The following LSAMP variants were observed in gnomAD, a reference collection of about 807,000 sequenced individuals.
The protein encoded by LSAMP is limbic system-associated membrane protein.
In LSAMP, 7 loss-of-function variants were observed where a neutral mutation model predicts 38.6. The ratio of observed to expected loss-of-function variants is 0.18; its 90% CI spans 0.10 to 0.34. The LOEUF is 0.34. Ranked by LOEUF, LSAMP falls within the 10% of genes least tolerant of loss-of-function variation. The probability of loss-of-function intolerance (pLI) is 1.00; values close to 1 mark genes in which losing one functional copy is unlikely to be tolerated. For missense variants in LSAMP, 313 were observed against 420.0 expected (o/e 0.75, Z 2.23); for synonymous variants, 154 against 166.8 (o/e 0.92, Z 0.59).
At chr3:116,111,353 C>T (rs17697994) in intron 1 of LSAMP, among the ~76,000 whole-genome samples, 24,939 of 152,130 alleles carry the variant, frequency 0.16, 2,130 homozygotes, top group Non-Finnish European at 0.19. Context: ...CTTTGATCGA[C>T]AGTAAGTTTT....
chr3:116,079,249 C>T (rs180970151), intron 2 of LSAMP, among the ~76,000 whole-genome samples: 61 of 152,338 alleles, frequency 4.0e-4, no homozygotes, highest in African/African-American at 1.3e-3. Flanking sequence ...TTGGGTGGGC[C>T]TGGCCCTTCG....
At chr3:116,203,631 T>G (rs2046022546) in intron 1 of LSAMP, among the ~76,000 whole-genome samples, 1 of 146,424 alleles carries the variant, frequency 6.8e-6, no homozygotes, top group Non-Finnish European at 1.5e-5. Context: ...TTCCCACCTA[T>G]GAGTGAGAAT....
At chr3:116,439,112 C>A (rs1411351994) in intron 1 of LSAMP, among the ~76,000 whole-genome samples, 1 of 152,126 alleles carries the variant, frequency 6.6e-6, no homozygotes, top group Non-Finnish European at 1.5e-5. Flanking sequence ...CTTCCCCAAA[C>A]AAACTACATC....
At chr3:116,274,839 C>T (rs2047025146) in intron 1 of LSAMP, among the ~76,000 whole-genome samples, 1 of 151,518 alleles carries the variant, frequency 6.6e-6, no homozygotes, top group Non-Finnish European at 1.5e-5. Flanking sequence ...TAGTCTTTTT[C>T]CCTCCTCACC....
At chr3:115,902,636 AAAT>A (rs1349282508) in intron 3 of LSAMP, among the ~76,000 whole-genome samples, 2 of 152,184 alleles carry the variant, frequency 1.3e-5, no homozygotes, top group Non-Finnish European at 1.5e-5. Context: ...GAACTTAAAA[AAAT>A]TTATAAGAAA....
intron 1 of LSAMP, among the ~76,000 whole-genome samples, chr3:116,115,360 A>G (rs949377523): frequency 6.6e-6 from 1 of 152,236 alleles, no homozygotes; most frequent in Non-Finnish European, 1.5e-5. Flanking sequence ...CCCATTTTTC[A>G]GAAAAGAAAA....
chr3:116,023,439 T>TAA (rs36091181), intron 2 of LSAMP, among the ~76,000 whole-genome samples: 30 of 133,876 alleles, frequency 2.2e-4, no homozygotes, highest in East Asian at 6.6e-4. Flanking sequence ...CTAAAAATAC[T>TAA]AAAAAAAAAA....
intron 1 of LSAMP, among the ~76,000 whole-genome samples, chr3:116,281,866 T>G (rs1028855283): frequency 3.9e-5 from 6 of 152,176 alleles, no homozygotes; most frequent in Non-Finnish European, 8.8e-5. Context: ...CCAACAAATG[T>G]TAGTTACACT....
intron 1 of LSAMP, among the ~76,000 whole-genome samples, chr3:116,325,109 T>C (rs2047753051): frequency 6.7e-6 from 1 of 149,492 alleles, no homozygotes; most frequent in Non-Finnish European, 1.5e-5. Flanking sequence ...TATATAATAA[T>C]ATATATAACA....
chr3:115,855,705 G>A lies in LSAMP; in HGVS notation c.515-3088C>T, dbSNP rs191693168. The stretch of plus-strand genomic sequence containing the variant: ...TTCTTTCCTTTGCCCCGGTGTGTCC[G>A]TCCTCATGAGAGCAAATTTTCTCCA... On this transcript the variant is annotated intron_variant, in intron 3 of 6. Transcript: ENST00000490035. 3.3e-4 allele frequency among the ~76,000 whole-genome samples: 50 copies of A among 152,198 alleles called. 1 individual carries two copies. The highest frequency in any genetic ancestry group is 1.1e-3 in the African/African-American group (45 of 41,526).
intron 1 of LSAMP, among the ~76,000 whole-genome samples, chr3:116,129,770 T>C (rs1314493816): frequency 6.6e-6 from 1 of 152,186 alleles, no homozygotes; most frequent in East Asian, 1.9e-4. Flanking sequence ...AATGTTTCCA[T>C]GGAAATGCTC....
intron 3 of LSAMP, among the ~76,000 whole-genome samples, chr3:115,885,130 G>A (rs1195267891): frequency 1.3e-5 from 2 of 151,924 alleles, no homozygotes; most frequent in Non-Finnish European, 2.9e-5. Context: ...CAAGAATAAT[G>A]CAAACTCATT....
intron 2 of LSAMP, among the ~76,000 whole-genome samples, chr3:116,079,117 A>C (rs1022986118): frequency 1.3e-5 from 2 of 152,166 alleles, no homozygotes; most frequent in Non-Finnish European, 2.9e-5. Context: ...CATTTATACT[A>C]TCTTCTCCAA....
At chr3:115,955,758 C>T (rs1477564954) in intron 3 of LSAMP, among the ~76,000 whole-genome samples, 1 of 152,114 alleles carries the variant, frequency 6.6e-6, no homozygotes, top group Admixed American at 6.6e-5. Context: ...CTTACAGCAC[C>T]CACACCCTAC....
At chr3:115,820,074 A>AG (rs1467385480) in intron 6 of LSAMP, among the ~76,000 whole-genome samples, 7 of 150,658 alleles carry the variant, frequency 4.6e-5, no homozygotes, top group Admixed American at 6.6e-5. Context: ...ACTCTTTAAG[A>AG]GGGGATTTTC....
chr3:116,093,017 T>C (rs1235761962), intron 1 of LSAMP, among the ~76,000 whole-genome samples: 2 of 152,240 alleles, frequency 1.3e-5, no homozygotes, highest in African/African-American at 4.8e-5. Flanking sequence ...ATTTATTCAC[T>C]GATAACAAAT....
chr3:116,321,044 C>T (rs1239897284), intron 1 of LSAMP, among the ~76,000 whole-genome samples: 1 of 152,084 alleles, frequency 6.6e-6, no homozygotes, highest in Non-Finnish European at 1.5e-5. Flanking sequence ...ATCCTTCATT[C>T]TATTTATATG....
intron 2 of LSAMP, among the ~76,000 whole-genome samples, chr3:116,040,243 G>A (rs1020460743): frequency 2.6e-5 from 4 of 152,148 alleles, no homozygotes; most frequent in African/African-American, 4.8e-5. Context: ...AATTCAATGC[G>A]TATGTTCCCA....
intron 1 of LSAMP, among the ~76,000 whole-genome samples, chr3:116,390,763 A>AAAG (rs1190136144): frequency 4.9e-5 from 7 of 142,930 alleles, no homozygotes; most frequent in African/African-American, 1.9e-4. Flanking sequence ...AAAAAAAAAA[A>AAAG]GGCAAGGAAC....
Sources: gnomAD v4.1 joint callset for allele counts (sites outside exome capture counted in the v4.1 genomes callset) on GRCh38, gnomAD v4.1.1 for gene constraint, MANE v1.5 for transcripts, NCBI Gene and HGNC (gene_info 2026-07-23, HGNC 2026-07-21) for gene names.